ANKS4B: variants seen among roughly 807,000 people sequenced by gnomAD.
ANKS4B encodes the protein ankyrin repeat and sterile alpha motif domain containing 4B.
Under a neutral mutation model 20.2 loss-of-function variants are expected in ANKS4B, and 21 were observed. The observed-to-expected ratio is 1.04, with a 90% CI of 0.74 to 1.50. The LOEUF (loss-of-function observed/expected upper bound fraction) is 1.50, where lower values mean the gene tolerates loss of function less well. ANKS4B is among the 40% of genes most tolerant of loss of function. ANKS4B has a pLI of 0.00. For synonymous variants in ANKS4B, 179 were observed against 194.5 expected (o/e 0.92, Z 0.66); for missense variants, 473 against 494.6 (o/e 0.96, Z 0.41).
rs2093338692 is a variant in ANKS4B, at chr16:21,250,912, T to A, written c.*92T>A. ...CCCTCTTTACCCAATGCCAGACCACTGGGAATGGATTCTAGGGCATCGGAA... is the reference window on the plus strand; with the variant it reads ...CCCTCTTTACCCAATGCCAGACCACAGGGAATGGATTCTAGGGCATCGGAA... On this transcript the variant is annotated 3_prime_UTR_variant, in exon 2 of 2. Coordinates refer to ENST00000311620, the MANE Select transcript of ANKS4B (RefSeq NM_145865.3). 3 of 1,488,404 alleles carry A rather than the reference T, an allele frequency of 2.0e-6. No homozygotes were observed. Among genetic ancestry groups the A allele is most frequent in the Non-Finnish European group, 2.7e-6 (3 of 1,113,828 alleles). 92.2% of individuals were successfully genotyped at this position (1,488,404 alleles called of 1,614,324 possible). A position where few individuals can be genotyped will look rare whatever the true frequency, so the allele number is the denominator to read the frequency against.
chr16:21,249,823 A>C lies in ANKS4B; in HGVS notation c.257A>C (p.Asn86Thr). The C allele has an allele frequency of 6.2e-7, 1 of 1,614,148 alleles. No homozygotes were observed. The highest frequency in any genetic ancestry group is 8.5e-7 in the Non-Finnish European group (1 of 1,180,028). Residue 86 changes from asparagine to threonine, a missense_variant, in exon 2 of 2, where the codon AAC becomes ACC. By Grantham distance (65) the Asn-to-Thr change is moderately conservative (BLOSUM62 0). Transcript: ENST00000311620. ...GCCCACTGCGTCTCATTCCTGGTCAACTTTGGTGCCAACATCTTTGCCCTG... is the reference window on the plus strand; with the variant it reads ...GCCCACTGCGTCTCATTCCTGGTCACCTTTGGTGCCAACATCTTTGCCCTG... Reference protein sequence around the residue: ...GHAHCVSFLVNFGANIFALDN... With the variant: ...GHAHCVSFLVTFGANIFALDN...
chr16:21,238,822 C>T (rs570644262), intron 1 of ANKS4B: 2 of 152,148 alleles, frequency 1.3e-5, no homozygotes, highest in African/African-American at 2.4e-5. Context: ...ATTCTTCTAA[C>T]CTTGTTTTTC....
chr16:21,246,817 G>A (rs2093332897), intron 1 of ANKS4B, among the ~76,000 whole-genome samples: 1 of 152,118 alleles, frequency 6.6e-6, no homozygotes, highest in Non-Finnish European at 1.5e-5. Context: ...TCTCTAAGAG[G>A]GAGATTGTGA....
In ANKS4B at chr16:21,246,942, G is replaced by A. The variant is rs1040279431; in HGVS notation, c.165-2789G>A. The stretch of plus-strand genomic sequence containing the variant: ...TTTATCAAATTATAGGACCCTGGTC[G>A]GATCACACTAACCAGTGAAGTTCTT... On this transcript the variant is annotated intron_variant, in intron 1 of 1. Coordinates refer to ENST00000311620, the MANE Select transcript of ANKS4B (RefSeq NM_145865.3). 7.9e-5 allele frequency among the ~76,000 whole-genome samples: 12 copies of A among 152,270 alleles called. No individual in the cohort carries two copies. In the South Asian group the frequency reaches 1.5e-3, roughly 18 times the overall value.
chr16:21,233,999 C>T, intron 1 of ANKS4B, 98 bp downstream of exon 1: 1 of 1,177,020 alleles, frequency 8.5e-7, no homozygotes, highest in Non-Finnish European at 1.2e-6. Context: ...ATACTTTATC[C>T]TCTTTCTAGA....
At chr16:21,241,377 C>G (rs558109893) in intron 1 of ANKS4B, among the ~76,000 whole-genome samples, 58 of 152,182 alleles carry the variant, frequency 3.8e-4, no homozygotes, top group African/African-American at 1.3e-3. Context: ...ATGCATGCCA[C>G]TATCTTTAAT....
At position 21,245,473 on chromosome 16, in the gene ANKS4B, A is replaced by ATT. The variant is rs35527960; in HGVS notation, c.165-4249_165-4248dup. ...AAAACTGGAAGTGATTGATTGATTG[A>ATT]TTTTTTTTTTATTTTTTTGAGACAG... On this transcript the variant is annotated intron_variant, in intron 1 of 1. Transcript: ENST00000311620. 2.8e-3 allele frequency among the ~76,000 whole-genome samples: 415 copies of ATT among 150,718 alleles called. 2 individuals are homozygous for ATT. Among genetic ancestry groups the ATT allele is most frequent in the Middle Eastern group, 6.8e-3 (2 of 294 alleles).
rs1359673957 is a variant in ANKS4B at position 21,241,732 on chromosome 16, TTAAC to T, written c.164+7832_164+7835del. On this transcript the variant is annotated intron_variant, in intron 1 of 1. Coordinates refer to ENST00000311620, the MANE Select transcript of ANKS4B (RefSeq NM_145865.3). ...TGGCCAGTTTCATTATTTTTATTAA[TTAAC>T]AAAAATTATATATATTTATGGTGTA... Among the ~76,000 whole-genome samples the T allele has an allele frequency of 1.4e-4, 22 of 152,314 alleles. No homozygotes were observed. The East Asian group carries it at 3.7e-3, about 25-fold the overall frequency.
At position 21,253,813 on chromosome 16, in the gene ANKS4B, GTATTGTTATATAATAAAAA is replaced by G. The variant is rs2093342278; in HGVS notation, c.*2994_*3012del. ...AAGGATATAGTCTCTTCGTCACAGA[GTATTGTTATATAATAAAAA>G]AAGGTTTATACCATGTTATAAGATG... On this transcript the variant is annotated 3_prime_UTR_variant, in exon 2 of 2. Coordinates refer to ENST00000311620, the MANE Select transcript of ANKS4B (RefSeq NM_145865.3). 6.6e-6 allele frequency: 1 copy of G among 152,126 alleles called. No homozygotes were observed. The highest frequency in any genetic ancestry group is 1.5e-5 in the Non-Finnish European group (1 of 68,040). 9.4% of individuals were successfully genotyped at this position (152,126 alleles called of 1,614,324 possible).
At chr16:21,247,699 T>G (rs1056592903) in intron 1 of ANKS4B, among the ~76,000 whole-genome samples, 2 of 152,220 alleles carry the variant, frequency 1.3e-5, no homozygotes, top group African/African-American at 4.8e-5. Context: ...ACTCGACTTT[T>G]TATCTGTTCC....
At chr16:21,241,466 T>G (rs1031042447) in intron 1 of ANKS4B, among the ~76,000 whole-genome samples, 2 of 152,116 alleles carry the variant, frequency 1.3e-5, no homozygotes, top group Non-Finnish European at 2.9e-5. Flanking sequence ...CAGGCTGGAG[T>G]GCAGTGGTGC....
chr16:21,250,280 G>T lies in ANKS4B; in HGVS notation c.714G>T (p.Glu238Asp). The change falls in exon 2 of 2, where the codon GAG becomes GAT. Residue 238 changes from glutamate to aspartate, a missense_variant. By Grantham distance (45) the Glu-to-Asp change is conservative. Transcript: ENST00000311620. ...TGATGGAAGTGTTCAGAGAGGAAGA[G>T]GAAGACTCGTTCTCAGGGGACTTCA... ...RNVMEVFREE[E>D]EDSFSGDFKE... 1 of 1,614,184 alleles carries T rather than the reference G, an allele frequency of 6.2e-7. No homozygotes were observed. Among genetic ancestry groups the T allele is most frequent in the South Asian group, 1.1e-5 (1 of 91,068 alleles).
chr16:21,252,090 C>G lies in ANKS4B; in HGVS notation c.*1270C>G, dbSNP rs1373049970. 2.0e-5 allele frequency: 3 copies of G among 152,166 alleles called. No individual in the cohort carries two copies. Among genetic ancestry groups the G allele is most frequent in the African/African-American group, 7.3e-5 (3 of 41,366 alleles). 9.4% of individuals were successfully genotyped at this position (152,166 alleles called of 1,614,324 possible). A position where few individuals can be genotyped will look rare whatever the true frequency, so the allele number is the denominator to read the frequency against. Reference sequence around the variant, plus strand: ...GGGATTACAGGCGTGCACCACAACGCCTGGCTAAGTTTTTGTATTTTTAGT... The same window carrying G: ...GGGATTACAGGCGTGCACCACAACGGCTGGCTAAGTTTTTGTATTTTTAGT... On this transcript the variant is annotated 3_prime_UTR_variant, in exon 2 of 2. Coordinates refer to ENST00000311620, the MANE Select transcript of ANKS4B (RefSeq NM_145865.3).
At chr16:21,234,198 C>T (rs951283126) in intron 1 of ANKS4B, among the ~76,000 whole-genome samples, 2 of 152,020 alleles carry the variant, frequency 1.3e-5, no homozygotes, top group Non-Finnish European at 1.5e-5. Flanking sequence ...TTTAAAAATG[C>T]TTTTCATGAA....
At position 21,253,332 on chromosome 16, in the gene ANKS4B, G is replaced by C. The variant is rs1002653144; in HGVS notation, c.*2512G>C. 10 of 152,208 alleles carry C rather than the reference G, an allele frequency of 6.6e-5. No homozygotes were observed. The highest frequency in any genetic ancestry group is 2.0e-4 in the Admixed American group (3 of 15,278). 9.4% of individuals were successfully genotyped at this position (152,208 alleles called of 1,614,324 possible). ...AACAATTGGCTTATTCTTCCTCAAT[G>C]AATATATTCAGAAAGCTTGTTAGCC... is the stretch of plus-strand genomic sequence containing the variant. On this transcript the variant is annotated 3_prime_UTR_variant, in exon 2 of 2. Coordinates refer to ENST00000311620, the MANE Select transcript of ANKS4B (RefSeq NM_145865.3).
chr16:21,250,836 T>C lies in ANKS4B; in HGVS notation c.*16T>C, dbSNP rs1481627714. ...CAGCCTGTGATGGAGAGTTTTGGCC[T>C]GGAGCATTGGGGTGATGCTGTGGCC... On this transcript the variant is annotated 3_prime_UTR_variant, in exon 2 of 2. Transcript: ENST00000311620. 10 of 1,573,380 alleles carry C rather than the reference T, an allele frequency of 6.4e-6. No individual in the cohort carries two copies. Among genetic ancestry groups the C allele is most frequent in the Non-Finnish European group, 8.7e-6 (10 of 1,155,186 alleles).
intron 1 of ANKS4B, among the ~76,000 whole-genome samples, chr16:21,235,813 C>G (rs997178291): frequency 2.0e-5 from 3 of 152,110 alleles, no homozygotes; most frequent in Non-Finnish European, 4.4e-5. Flanking sequence ...GTGAGTGAAG[C>G]AGATCTTCCC....
intron 1 of ANKS4B, among the ~76,000 whole-genome samples, chr16:21,241,410 T>C (rs562050782): frequency 1.3e-5 from 2 of 152,236 alleles, no homozygotes; most frequent in African/African-American, 2.4e-5. Context: ...TTCTGTTTTA[T>C]GGTGTTTGTT....
rs777559520 is a variant in ANKS4B at position 21,250,701 on chromosome 16, G to A, written c.1135G>A (p.Asp379Asn). The change falls in exon 2 of 2, where the codon GAT (aspartate) becomes AAT (asparagine). Residue 379 changes from aspartate to asparagine, a missense_variant. By Grantham distance (23) the Asp-to-Asn change is conservative (BLOSUM62 1). Coordinates refer to ENST00000311620, the MANE Select transcript of ANKS4B (RefSeq NM_145865.3). ...IDLEALLLCS[D>N]EDLQSIQMQL... ...TCTAGAAGCTCTGCTGCTCTGCTCT[G>A]ATGAGGACCTTCAGAGCATACAAAT... is the stretch of plus-strand genomic sequence containing the variant. The A allele has an allele frequency of 1.2e-6, 2 of 1,613,058 alleles. No homozygotes were observed. The highest frequency in any genetic ancestry group is 1.7e-6 in the Non-Finnish European group (2 of 1,179,028).
Sources: allele counts gnomAD v4.1 joint callset (sites outside exome capture counted in the v4.1 genomes callset), GRCh38; gene constraint gnomAD v4.1.1; transcripts MANE v1.5; gene names NCBI Gene and HGNC (gene_info 2026-07-23, HGNC 2026-07-21).